The following AGPAT5 variants were observed in gnomAD, a reference collection of about 807,000 sequenced individuals.
The protein encoded by AGPAT5 is 1-acylglycerol-3-phosphate O-acyltransferase 5.
A neutral mutation model predicts 45.6 loss-of-function variants in AGPAT5; 46 were observed. The observed-to-expected ratio is 1.01, with a 90% CI of 0.80 to 1.29. The LOEUF (loss-of-function observed/expected upper bound fraction) is 1.29, where lower values mean the gene tolerates loss of function less well. Among genes scored for constraint, AGPAT5 ranks in the 50% most tolerant of loss-of-function variants. AGPAT5 has a pLI of 0.00. For missense variants in AGPAT5, 673 were observed against 450.7 expected (o/e 1.49, Z -4.47); for synonymous variants, 272 against 167.0 (o/e 1.63, Z -4.85).
chr8:6,742,541 A>T (rs975895427), intron 5 of AGPAT5, among the ~76,000 whole-genome samples: 1 of 152,226 alleles, frequency 6.6e-6, no homozygotes, highest in Non-Finnish European at 1.5e-5. Context: ...AGCAGGGCCT[A>T]TGACAGTGCT....
chr8:6,709,276 C>T, intron 1 of AGPAT5: 1 of 241,540 alleles, frequency 4.1e-6, no homozygotes, highest in South Asian at 4.5e-5. Flanking sequence ...CTCCGAAGTG[C>T]GCTTTTACAG....
At chr8:6,713,642 C>T (rs1170997735) in intron 1 of AGPAT5, among the ~76,000 whole-genome samples, 4 of 152,166 alleles carry the variant, frequency 2.6e-5, no homozygotes, top group South Asian at 2.1e-4. Context: ...GCAACCTCTG[C>T]CCCCGGGCTC....
chr8:6,721,687 T>A (rs1422085404), intron 1 of AGPAT5, among the ~76,000 whole-genome samples: 1 of 152,202 alleles, frequency 6.6e-6, no homozygotes, highest in Non-Finnish European at 1.5e-5. Flanking sequence ...ACCTACCTCT[T>A]AGTGGCTCTT....
At chr8:6,728,995 A>C (rs983184944) in intron 2 of AGPAT5, among the ~76,000 whole-genome samples, 1 of 152,188 alleles carries the variant, frequency 6.6e-6, no homozygotes, top group African/African-American at 2.4e-5. Context: ...GGGATCATAC[A>C]CTGTAGGGGA....
At position 6,758,227 on chromosome 8, in the gene AGPAT5, G is replaced by C. The variant is rs761989586; in HGVS notation, c.*839G>C. The C allele has an allele frequency of 1.1e-4, 17 of 152,596 alleles. No individual in the cohort carries two copies. Among genetic ancestry groups the C allele is most frequent in the Non-Finnish European group, 2.1e-4 (14 of 68,026 alleles). 9.5% of individuals were successfully genotyped at this position (152,596 alleles called of 1,614,324 possible). A position where few individuals can be genotyped will look rare whatever the true frequency, so the allele number is the denominator to read the frequency against. On this transcript the variant is annotated 3_prime_UTR_variant, in exon 8 of 8. Coordinates refer to ENST00000285518, the MANE Select transcript of AGPAT5 (RefSeq NM_018361.5). ...TTGTTTTGTTTTTTTAATATCAAAA[G>C]AGTCGGTGTGAACCTTGGTTGGACC... is the stretch of plus-strand genomic sequence containing the variant.
At chr8:6,752,458 C>T (rs905044731) in intron 6 of AGPAT5, among the ~76,000 whole-genome samples, 3 of 151,882 alleles carry the variant, frequency 2.0e-5, no homozygotes, top group Non-Finnish European at 4.4e-5. Flanking sequence ...TATATACTTC[C>T]GTAACTTTTT....
chr8:6,729,117 C>A (rs1800781484), intron 2 of AGPAT5, among the ~76,000 whole-genome samples: 1 of 151,864 alleles, frequency 6.6e-6, no homozygotes, highest in African/African-American at 2.4e-5. Flanking sequence ...AATGATAATC[C>A]CTGATTAAAA....
Position 6,730,722 on chromosome 8 carries a change from G to C in AGPAT5, c.301G>C (p.Val101Leu). 2 of 1,613,094 alleles carry C rather than the reference G, an allele frequency of 1.2e-6. No individual in the cohort carries two copies. The highest frequency in any genetic ancestry group is 1.1e-5 in the South Asian group (1 of 90,976). ...ANHQSTVDWI[V>L]ADILAIRQNA... The stretch of plus-strand genomic sequence containing the variant: ...TCCTGTCTCTGCAGTTGACTGGATT[G>C]TTGCTGACATCTTGGCCATCAGGCA... Residue 101 changes from valine (V) to leucine (L), a missense_variant, in exon 3 of 8, where the codon GTT becomes CTT. By Grantham distance (32) the Val-to-Leu change is conservative. Transcript: ENST00000285518.
At chr8:6,716,855 C>G (rs1339287076) in intron 1 of AGPAT5, among the ~76,000 whole-genome samples, 1 of 152,022 alleles carries the variant, frequency 6.6e-6, no homozygotes, top group African/African-American at 2.4e-5. Flanking sequence ...ACAAACAAAA[C>G]AAAACAGAGA....
chr8:6,753,987 G>T (rs143786231), intron 6 of AGPAT5, among the ~76,000 whole-genome samples: 2 of 152,148 alleles, frequency 1.3e-5, no homozygotes, highest in Non-Finnish European at 2.9e-5. Context: ...CTCGGACGGT[G>T]GAGTGTAGAA....
At chr8:6,716,631 C>T (rs1800340344) in intron 1 of AGPAT5, among the ~76,000 whole-genome samples, 1 of 152,156 alleles carries the variant, frequency 6.6e-6, no homozygotes, top group South Asian at 2.1e-4. Context: ...GTCGGGAGTT[C>T]GAGATCAGCC....
chr8:6,730,757 A>G lies in AGPAT5; in HGVS notation c.336A>G (p.Leu112=), dbSNP rs376636029. ...TCTTGGCCATCAGGCAGAATGCGCT[A>G]GGACATGTGCGCTACGTGCTGAAAG... ...ADILAIRQNA[L]GHVRYVLKEG... The change falls in exon 3 of 8, where the codon CTA becomes CTG. Residue 112 remains leucine (L), a synonymous_variant. Coordinates refer to ENST00000285518, the MANE Select transcript of AGPAT5 (RefSeq NM_018361.5). The G allele has an allele frequency of 3.8e-4, 608 of 1,613,654 alleles. No homozygotes were observed. Among genetic ancestry groups the G allele is most frequent in the Non-Finnish European group, 4.9e-4 (582 of 1,179,652 alleles).
rs376732724 is a variant in AGPAT5 at position 6,744,574 on chromosome 8, G to T, written c.586+2823G>T. Among the ~76,000 whole-genome samples, 296 of 152,206 alleles carry T rather than the reference G, an allele frequency of 1.9e-3. 11 individuals are homozygous for T. In the South Asian group the frequency reaches 0.058, roughly 30 times the overall value. On this transcript the variant is annotated intron_variant, in intron 5 of 7. Transcript: ENST00000285518. ...GTGCTTGGTTCGGGGTCCTGTGCTT[G>T]GTCTGGGATCCTGTGCTTGGTTCGA...
In AGPAT5 at chr8:6,727,632, C is replaced by T. The variant is rs191844780; in HGVS notation, c.289+2693C>T. On this transcript the variant is annotated intron_variant, in intron 2 of 7. Transcript: ENST00000285518. ...CTGACCTCAGGTGATCTGCCTGCCTCGGCCTCCCAAAGTGCAGGGATTACA... is the reference window on the plus strand; with the variant it reads ...CTGACCTCAGGTGATCTGCCTGCCTTGGCCTCCCAAAGTGCAGGGATTACA... Among the ~76,000 whole-genome samples, 35 of 152,336 alleles carry T rather than the reference C, an allele frequency of 2.3e-4. No individual in the cohort carries two copies. In the East Asian group the frequency reaches 6.6e-3, roughly 29 times the overall value.
At chr8:6,723,507 C>T (rs1800578286) in intron 1 of AGPAT5, among the ~76,000 whole-genome samples, 1 of 152,118 alleles carries the variant, frequency 6.6e-6, no homozygotes, top group South Asian at 2.1e-4. Flanking sequence ...AGGCATGGGC[C>T]ACTATGCCTG....
At chr8:6,744,240 T>C (rs1801347322) in intron 5 of AGPAT5, among the ~76,000 whole-genome samples, 1 of 152,238 alleles carries the variant, frequency 6.6e-6, no homozygotes, top group East Asian at 1.9e-4. Flanking sequence ...ATGTTTATTC[T>C]TTCTCATAAT....
intron 4 of AGPAT5, among the ~76,000 whole-genome samples, chr8:6,740,729 C>A (rs1339192738): frequency 6.6e-6 from 1 of 151,894 alleles, no homozygotes; most frequent in Non-Finnish European, 1.5e-5. Context: ...ATAGGTCATC[C>A]AGATGAAGGA....
In AGPAT5 at chr8:6,732,532, T is replaced by G. The variant is rs372712764; in HGVS notation, c.406-29T>G. ...GGCCAATTGTTATTTTAAAAGTAAATGCTCTTTCTCCCGATTTGATTGTGG... is the reference window on the plus strand; with the variant it reads ...GGCCAATTGTTATTTTAAAAGTAAAGGCTCTTTCTCCCGATTTGATTGTGG... On this transcript the variant is annotated intron_variant, in intron 3 of 7. Coordinates refer to ENST00000285518, the MANE Select transcript of AGPAT5 (RefSeq NM_018361.5). 22 of 1,559,800 alleles carry G rather than the reference T, an allele frequency of 1.4e-5. No individual in the cohort carries two copies. The African/African-American group carries it at 3.0e-4, about 22-fold the overall frequency.
intron 1 of AGPAT5, 181 bp downstream of exon 1, chr8:6,709,068 C>T (rs1157689408): frequency 2.8e-6 from 2 of 709,400 alleles, no homozygotes; most frequent in Admixed American, 2.2e-5. Flanking sequence ...CGAGATCGCT[C>T]TCTAGGAAGC....
Sources: gnomAD v4.1 joint callset for allele counts (sites outside exome capture counted in the v4.1 genomes callset) on GRCh38, gnomAD v4.1.1 for gene constraint, MANE v1.5 for transcripts, NCBI Gene and HGNC (gene_info 2026-07-23, HGNC 2026-07-21) for gene names.